The following WDR70 variants were observed in gnomAD, a reference collection of about 807,000 sequenced individuals.
WDR70 encodes the protein WD repeat domain 70.
A neutral mutation model predicts 88.6 loss-of-function variants in WDR70; 53 were observed. The observed-to-expected ratio is 0.60, with a 90% CI of 0.48 to 0.75. The LOEUF (loss-of-function observed/expected upper bound fraction) is 0.75. WDR70 is among the 30% of genes least tolerant of loss of function. The pLI is 0.00. For synonymous variants in WDR70, 280 were observed against 270.0 expected, an observed-to-expected ratio of 1.04 and a Z score of -0.36; for missense variants, 610 against 823.2, an observed-to-expected ratio of 0.74 and a Z score of 3.17.
chr5:37,616,379 A>G (rs1463388618), intron 10 of WDR70, among the ~76,000 whole-genome samples: 1 of 152,162 alleles, frequency 6.6e-6, no homozygotes, highest in Non-Finnish European at 1.5e-5. Flanking sequence ...AAGCGCTGGG[A>G]TTACAGATGG....
At chr5:37,470,019 T>G (rs1254414219) in intron 7 of WDR70, among the ~76,000 whole-genome samples, 1 of 152,182 alleles carries the variant, frequency 6.6e-6, no homozygotes, top group South Asian at 2.1e-4. Flanking sequence ...CACCTTTTAT[T>G]GTATAAAATT....
At chr5:37,559,432 C>T (rs1282952310) in intron 9 of WDR70, among the ~76,000 whole-genome samples, 1 of 152,096 alleles carries the variant, frequency 6.6e-6, no homozygotes, top group African/African-American at 2.4e-5. Flanking sequence ...ACCCATTCTC[C>T]TCCTCCTTCA....
chr5:37,507,449 G>A (rs751051202), intron 8 of WDR70, among the ~76,000 whole-genome samples: 11 of 152,148 alleles, frequency 7.2e-5, no homozygotes, highest in Non-Finnish European at 1.5e-4. Flanking sequence ...TCAAACATGA[G>A]AACTTATTCC....
At chr5:37,655,718 T>A (rs1373946184) in intron 10 of WDR70, among the ~76,000 whole-genome samples, 1 of 151,952 alleles carries the variant, frequency 6.6e-6, no homozygotes, top group East Asian at 1.9e-4. Context: ...TTTCTTCTGC[T>A]TGATCTATTC....
At chr5:37,688,327 G>A (rs1746674412) in intron 10 of WDR70, among the ~76,000 whole-genome samples, 1 of 152,120 alleles carries the variant, frequency 6.6e-6, no homozygotes, top group Non-Finnish European at 1.5e-5. Flanking sequence ...TAGATTTTGT[G>A]CCTCCTGGTT....
chr5:37,692,558 A>C (rs1401842783), intron 10 of WDR70, among the ~76,000 whole-genome samples: 1 of 152,224 alleles, frequency 6.6e-6, no homozygotes, highest in Non-Finnish European at 1.5e-5. Context: ...AGGATAGTTT[A>C]ACATACGTAA....
chr5:37,629,434 G>T (rs1003625933), intron 10 of WDR70, among the ~76,000 whole-genome samples: 62 of 152,114 alleles, frequency 4.1e-4, no homozygotes, highest in African/African-American at 1.4e-3. Flanking sequence ...CTTGCTTAAT[G>T]ATATCTCATA....
At chr5:37,677,923 G>A (rs1347160884) in intron 10 of WDR70, among the ~76,000 whole-genome samples, 1 of 152,184 alleles carries the variant, frequency 6.6e-6, no homozygotes, top group Non-Finnish European at 1.5e-5. Context: ...CTCCTGTATT[G>A]GGTGCATATA....
intron 5 of WDR70, among the ~76,000 whole-genome samples, chr5:37,435,610 C>T (rs1164400352): frequency 6.6e-6 from 1 of 151,898 alleles, no homozygotes; most frequent in Admixed American, 6.6e-5. Context: ...ACAAAACTAC[C>T]TTTATTTCTG....
intron 13 of WDR70, among the ~76,000 whole-genome samples, chr5:37,707,752 A>G (rs1747369828): frequency 6.6e-6 from 1 of 150,810 alleles, no homozygotes; most frequent in Non-Finnish European, 1.5e-5. Flanking sequence ...TGTCTCTACT[A>G]AAACTACAAA....
At chr5:37,729,133 G>A (rs1441845098) in intron 17 of WDR70, among the ~76,000 whole-genome samples, 2 of 151,854 alleles carry the variant, frequency 1.3e-5, no homozygotes, top group East Asian at 1.9e-4. Context: ...TATTTTTTTA[G>A]TACTTCCTTA....
At chr5:37,397,991 GAA>G (rs5867347) in intron 5 of WDR70, among the ~76,000 whole-genome samples, 47 of 100,578 alleles carry the variant, frequency 4.7e-4, no homozygotes, top group Middle Eastern at 5.3e-3. Context: ...TTCGGTCTCA[GAA>G]AAAAAAAAAA....
In WDR70 at chr5:37,600,286, G is replaced by C. The variant is rs374907411; in HGVS notation, c.918-4778G>C. The stretch of plus-strand genomic sequence containing the variant: ...CTCACTCCTGTAATCCCAGCACTTT[G>C]GGAGGCTGATGCGGGTGGATCATGA... On this transcript the variant is annotated intron_variant, in intron 9 of 17. Transcript: ENST00000265107. Among the ~76,000 whole-genome samples, 5 of 152,238 alleles carry C rather than the reference G, an allele frequency of 3.3e-5. No individual in the cohort carries two copies. The South Asian group carries it at 1.0e-3, about 32-fold the overall frequency.
intron 9 of WDR70, among the ~76,000 whole-genome samples, chr5:37,576,038 C>CCTTCCTTCCTTCCTTCCAA: frequency 6.6e-6 from 1 of 151,336 alleles, no homozygotes; most frequent in South Asian, 2.1e-4. Flanking sequence ...TTCCTTCCTT[C>CCTTCCTTCCTTCCTTCCAA]CTTCCTTCCT....
chr5:37,389,362 A>G (rs891825132), intron 3 of WDR70, among the ~76,000 whole-genome samples: 2 of 150,618 alleles, frequency 1.3e-5, no homozygotes, highest in Non-Finnish European at 2.9e-5. Context: ...TCAAAGCGCA[A>G]GGATTACAGG....
chr5:37,710,104 T>C (rs1747464642), intron 13 of WDR70, among the ~76,000 whole-genome samples: 1 of 152,174 alleles, frequency 6.6e-6, no homozygotes, highest in Non-Finnish European at 1.5e-5. Flanking sequence ...TTCTTGGTGG[T>C]TTAACTGTTA....
chr5:37,624,582 C>G (rs535305226), intron 10 of WDR70, among the ~76,000 whole-genome samples: 1 of 152,082 alleles, frequency 6.6e-6, no homozygotes, highest in African/African-American at 2.4e-5. Context: ...TCCCTTGGTC[C>G]CCTGATGTTT....
chr5:37,721,036 C>A, intron 13 of WDR70, 79 bp from the exon 14 acceptor site: 1 of 1,169,972 alleles, frequency 8.5e-7, no homozygotes, highest in South Asian at 1.3e-5. Flanking sequence ...ATATAGTAGA[C>A]TAGCCATCAA....
intron 10 of WDR70, among the ~76,000 whole-genome samples, chr5:37,654,775 C>CT (rs1009091041): frequency 2.6e-5 from 4 of 152,024 alleles, no homozygotes; most frequent in African/African-American, 9.7e-5. Flanking sequence ...GCAGCCCCTG[C>CT]TTTTTTTGGC....
Sources: allele counts gnomAD v4.1 joint callset (sites outside exome capture counted in the v4.1 genomes callset), GRCh38; gene constraint gnomAD v4.1.1; transcripts MANE v1.5; gene names NCBI Gene and HGNC (gene_info 2026-07-23, HGNC 2026-07-21).